The following PPP3R1 variants were observed in gnomAD, a reference collection of about 807,000 sequenced individuals.
PPP3R1 encodes calcineurin subunit B type 1.
PPP3R1 carries 5 observed loss-of-function variants against 22.6 expected under a neutral mutation model. The ratio of observed to expected loss-of-function variants is 0.22; its 90% CI spans 0.12 to 0.46. The LOEUF (loss-of-function observed/expected upper bound fraction) is 0.46. PPP3R1 is among the 20% of genes least tolerant of loss of function. PPP3R1 has a pLI of 0.99. For missense variants in PPP3R1, 61 were observed against 203.2 expected (o/e 0.30, Z 4.25); for synonymous variants, 56 against 65.2 (o/e 0.86, Z 0.68).
At chr2:68,236,149 T>C (rs1681642047) in intron 1 of PPP3R1, among the ~76,000 whole-genome samples, 1 of 152,222 alleles carries the variant, frequency 6.6e-6, no homozygotes, top group South Asian at 2.1e-4. Context: ...TTCTTGTCTT[T>C]TGAAGCTTAG....
chr2:68,208,762 A>G (rs188715738), intron 2 of PPP3R1, among the ~76,000 whole-genome samples: 68 of 151,962 alleles, frequency 4.5e-4, no homozygotes, highest in African/African-American at 1.6e-3. Flanking sequence ...TGTTTCTACT[A>G]AAAATACAAA....
At chr2:68,229,269 C>A (rs546213183) in intron 1 of PPP3R1, among the ~76,000 whole-genome samples, 1 of 152,134 alleles carries the variant, frequency 6.6e-6, no homozygotes, top group African/African-American at 2.4e-5. Context: ...ACCTTAGCCA[C>A]CCCAAGCATT....
intron 2 of PPP3R1, among the ~76,000 whole-genome samples, chr2:68,211,144 C>A (rs977195042): frequency 1.3e-5 from 2 of 152,132 alleles, no homozygotes; most frequent in Non-Finnish European, 2.9e-5. Context: ...CGGTGGCTCA[C>A]GCCTGTAATC....
intron 1 of PPP3R1, among the ~76,000 whole-genome samples, chr2:68,239,399 G>C (rs753154237): frequency 6.6e-6 from 1 of 152,170 alleles, no homozygotes; most frequent in Non-Finnish European, 1.5e-5. Context: ...TAGAAGTGAA[G>C]AGAGTAAAAA....
chr2:68,207,864 A>G (rs1669346091), intron 2 of PPP3R1, among the ~76,000 whole-genome samples: 1 of 152,148 alleles, frequency 6.6e-6, no homozygotes. Context: ...AAACTATAAA[A>G]CAGACTCATT....
chr2:68,246,562 A>G (rs1300463560), intron 1 of PPP3R1, among the ~76,000 whole-genome samples: 1 of 152,090 alleles, frequency 6.6e-6, no homozygotes. Flanking sequence ...TTATCTCCAA[A>G]AGACATCTTT....
At chr2:68,194,314 C>T (rs567539153) in intron 2 of PPP3R1, among the ~76,000 whole-genome samples, 19 of 152,126 alleles carry the variant, frequency 1.2e-4, no homozygotes, top group South Asian at 2.1e-4. Flanking sequence ...ACGGTTCTCA[C>T]GGATAAATGT....
At chr2:68,181,549 C>G (rs960771881) in intron 5 of PPP3R1, among the ~76,000 whole-genome samples, 1 of 150,436 alleles carries the variant, frequency 6.6e-6, no homozygotes, top group Non-Finnish European at 1.5e-5. Context: ...TGTTCTTGTA[C>G]AAGGGCCAGT....
chr2:68,198,833 TA>T (rs1321567537), intron 2 of PPP3R1, among the ~76,000 whole-genome samples: 2 of 152,224 alleles, frequency 1.3e-5, no homozygotes, highest in Non-Finnish European at 2.9e-5. Flanking sequence ...TTCATTTGTG[TA>T]GGTCTTTTTA....
chr2:68,209,237 T>C (rs1669415488), intron 2 of PPP3R1, among the ~76,000 whole-genome samples: 1 of 147,464 alleles, frequency 6.8e-6, no homozygotes, highest in Non-Finnish European at 1.5e-5. Flanking sequence ...CGGGCGCCTG[T>C]AGTCCCAGCT....
intron 1 of PPP3R1, among the ~76,000 whole-genome samples, chr2:68,248,309 G>A (rs892702574): frequency 1.3e-5 from 2 of 152,124 alleles, no homozygotes; most frequent in African/African-American, 4.8e-5. Flanking sequence ...CCTGCCATGT[G>A]CTCTTACAGC....
intron 2 of PPP3R1, among the ~76,000 whole-genome samples, chr2:68,199,884 T>G (rs754956596): frequency 1.3e-5 from 2 of 152,190 alleles, no homozygotes; most frequent in Non-Finnish European, 2.9e-5. Flanking sequence ...ATAATGTTGG[T>G]TTATATTCCA....
chr2:68,250,595 G>A (rs541170250), intron 1 of PPP3R1, among the ~76,000 whole-genome samples: 3 of 152,294 alleles, frequency 2.0e-5, no homozygotes, highest in Admixed American at 1.3e-4. Flanking sequence ...AAAAGACTAT[G>A]CCAACAAAAA....
chr2:68,244,678 T>A (rs1339774229), intron 1 of PPP3R1, among the ~76,000 whole-genome samples: 2 of 152,148 alleles, frequency 1.3e-5, no homozygotes, highest in Non-Finnish European at 2.9e-5. Context: ...AATATCCCCA[T>A]CTTTCTCTTA....
intron 1 of PPP3R1, among the ~76,000 whole-genome samples, chr2:68,230,731 CAT>C (rs1422881158): frequency 1.3e-5 from 2 of 152,170 alleles, no homozygotes; most frequent in African/African-American, 2.4e-5. Context: ...CATTTTCCTT[CAT>C]ATGTCTTGAT....
At chr2:68,184,977 T>C (rs1238818752) in intron 5 of PPP3R1, among the ~76,000 whole-genome samples, 2 of 152,118 alleles carry the variant, frequency 1.3e-5, no homozygotes, top group Non-Finnish European at 2.9e-5. Flanking sequence ...TCCCAGCACT[T>C]TGGGAGGCCA....
intron 1 of PPP3R1, among the ~76,000 whole-genome samples, chr2:68,231,894 T>C (rs1043711227): frequency 1.3e-5 from 2 of 151,860 alleles, no homozygotes; most frequent in African/African-American, 4.8e-5. Context: ...TGACCTCATG[T>C]GCTCCCTAGA....
At position 68,252,451 on chromosome 2, in the gene PPP3R1, C is replaced by T. The variant is rs1442552176; in HGVS notation, c.-324G>A. 1 of 989,688 alleles carries T rather than the reference C, an allele frequency of 1.0e-6. No individual in the cohort carries two copies. Among genetic ancestry groups the T allele is most frequent in the Non-Finnish European group, 1.2e-6 (1 of 833,506 alleles). 61.3% of individuals were successfully genotyped at this position (989,688 alleles called of 1,614,324 possible). A position where few individuals can be genotyped will look rare whatever the true frequency, so the allele number is the denominator to read the frequency against. ...AGGGGGCGAAGACGGCCGGGAAACTCGGGGGCTGCAGCCTCGCGCTCGCGC... is the reference window on the plus strand; with the variant it reads ...AGGGGGCGAAGACGGCCGGGAAACTTGGGGGCTGCAGCCTCGCGCTCGCGC... On this transcript the variant is annotated 5_prime_UTR_variant, in exon 1 of 6. Transcript: ENST00000234310.
intron 1 of PPP3R1, among the ~76,000 whole-genome samples, chr2:68,218,688 A>G (rs1195548580): frequency 2.0e-5 from 3 of 149,012 alleles, no homozygotes; most frequent in Non-Finnish European, 4.4e-5. Flanking sequence ...TCAAGAGCAT[A>G]CCGGTATTTT....
Sources: gnomAD v4.1 joint callset for allele counts (sites outside exome capture counted in the v4.1 genomes callset) on GRCh38, gnomAD v4.1.1 for gene constraint, MANE v1.5 for transcripts, NCBI Gene and HGNC (gene_info 2026-07-23, HGNC 2026-07-21) for gene names.